TBK1: variants seen among roughly 807,000 people sequenced by gnomAD.
TBK1 encodes the protein TANK binding kinase 1, also known as serine/threonine-protein kinase TBK1.
TBK1 carries 37 observed loss-of-function variants against 99.9 expected under a neutral mutation model. The observed-to-expected ratio is 0.37, with a 90% CI of 0.28 to 0.49. TBK1 has a LOEUF of 0.49. TBK1 is among the 20% of genes least tolerant of loss of function. The probability of loss-of-function intolerance (pLI) is 0.98; values close to 1 mark genes in which losing one functional copy is unlikely to be tolerated. For missense variants in TBK1, 644 were observed against 872.5 expected, an observed-to-expected ratio of 0.74 and a Z score of 3.30; for synonymous variants, 258 against 279.8, an observed-to-expected ratio of 0.92 and a Z score of 0.78.
chr12:64,469,427 C>T (rs1024235773), intron 5 of TBK1, among the ~76,000 whole-genome samples: 4 of 152,126 alleles, frequency 2.6e-5, no homozygotes, highest in Non-Finnish European at 5.9e-5. Flanking sequence ...ATCCTTTTGT[C>T]TCTTCCTGGG....
intron 18 of TBK1, 22 bp from the exon 19 acceptor site, chr12:64,497,626 T>C (rs1565824952): frequency 1.1e-5 from 15 of 1,426,954 alleles, no homozygotes; most frequent in South Asian, 6.9e-5. Flanking sequence ...TTTTTCTTTT[T>C]TTTTTTTTTT....
At chr12:64,496,658 C>T (rs563963521) in intron 16 of TBK1, among the ~76,000 whole-genome samples, 29 of 152,252 alleles carry the variant, frequency 1.9e-4, no homozygotes, top group Non-Finnish European at 3.7e-4. Flanking sequence ...GCCTCATATG[C>T]TCTGATTACA....
intron 15 of TBK1, 148 bp downstream of exon 15, chr12:64,495,923 T>G: frequency 1.8e-6 from 1 of 552,490 alleles, no homozygotes; most frequent in Non-Finnish European, 2.9e-6. Context: ...AGGTTGATTG[T>G]GTTAAAAAAA....
At position 64,486,133 on chromosome 12, in the gene TBK1, T is replaced by G. The variant is rs574136144; in HGVS notation, c.1340+116T>G. ...TGCTTGATTTTTATTATAATACATT[T>G]GTTTCACATTTAGTTTATAAAACAT... On this transcript the variant is annotated intron_variant, in intron 11 of 20. Transcript: ENST00000331710. The G allele has an allele frequency of 6.7e-5, 40 of 592,778 alleles. No homozygotes were observed. The East Asian group carries it at 1.3e-3, about 19-fold the overall frequency. 36.7% of individuals were successfully genotyped at this position (592,778 alleles called of 1,614,324 possible).
intron 12 of TBK1, among the ~76,000 whole-genome samples, chr12:64,489,198 A>G (rs1326649411): frequency 2.0e-5 from 3 of 152,242 alleles, no homozygotes; most frequent in Non-Finnish European, 4.4e-5. Flanking sequence ...TGAAACTTGT[A>G]ATCAACAAAG....
intron 2 of TBK1, among the ~76,000 whole-genome samples, chr12:64,459,986 G>A (rs1371829990): frequency 2.0e-5 from 3 of 152,168 alleles, no homozygotes; most frequent in Non-Finnish European, 2.9e-5. Context: ...TCCAAAAGGT[G>A]TAATTTGAAA....
In TBK1 at chr12:64,455,936, T is replaced by C. The variant is rs41292019; in HGVS notation, c.66T>C (p.Asn22=). 0.043 allele frequency: 69,505 copies of C among 1,613,322 alleles called. 1,732 individuals carry two copies. The highest frequency in any genetic ancestry group is 0.05 in the Non-Finnish European group (59,462 of 1,179,488). Residue 22 remains asparagine (N), a synonymous_variant, in exon 2 of 21, where the codon AAT becomes AAC. Coordinates refer to ENST00000331710, the MANE Select transcript of TBK1 (RefSeq NM_013254.4). ...SDILGQGATA[N]VFRGRHKKTG... Reference sequence around the variant, plus strand: ...TTTTAGGCCAAGGAGCTACTGCAAATGTCTTTCGTGGAAGACATAAGGTTA... The same window carrying C: ...TTTTAGGCCAAGGAGCTACTGCAAACGTCTTTCGTGGAAGACATAAGGTTA...
rs533225882 is a variant in TBK1, at chr12:64,473,521, G to T, written c.541-709G>T. On this transcript the variant is annotated intron_variant, in intron 5 of 20. Transcript: ENST00000331710. The stretch of plus-strand genomic sequence containing the variant: ...CATTAAATAAGTGGGATAATTACAA[G>T]AATTGATTTCTGGAATTGGCAAGAT... Among the ~76,000 whole-genome samples the T allele has an allele frequency of 1.8e-4, 27 of 152,318 alleles. 1 individual carries two copies. In the South Asian group the frequency reaches 5.4e-3, roughly 30 times the overall value.
At chr12:64,487,253 A>G (rs1037607569) in intron 11 of TBK1, among the ~76,000 whole-genome samples, 18 of 152,344 alleles carry the variant, frequency 1.2e-4, no homozygotes, top group Non-Finnish European at 1.9e-4. Flanking sequence ...CGTACACATC[A>G]TGATGGCCTT....
At chr12:64,478,415 A>G (rs1366752659) in intron 6 of TBK1, among the ~76,000 whole-genome samples, 1 of 152,168 alleles carries the variant, frequency 6.6e-6, no homozygotes, top group East Asian at 1.9e-4. Flanking sequence ...GGTCTCCCAA[A>G]GTGCTGGCAT....
At chr12:64,467,508 A>C (rs1299688527) in intron 5 of TBK1, among the ~76,000 whole-genome samples, 2 of 152,182 alleles carry the variant, frequency 1.3e-5, no homozygotes, top group Non-Finnish European at 2.9e-5. Flanking sequence ...GCCCCTGAGA[A>C]GATCTAACTT....
intron 6 of TBK1, among the ~76,000 whole-genome samples, chr12:64,475,311 GT>G (rs141402914): frequency 0.039 from 5,933 of 151,890 alleles, 385 homozygotes; most frequent in African/African-American, 0.14. Context: ...ATGTGTGAAG[GT>G]TTAGTTAAAA....
chr12:64,474,495 A>G (rs2040693173), intron 6 of TBK1, 105 bp downstream of exon 6: 23 of 1,108,886 alleles, frequency 2.1e-5, no homozygotes, highest in Non-Finnish European at 3.0e-5. Flanking sequence ...TGATTTAACA[A>G]TCATTTCTGA....
rs2040988970 is a variant in TBK1 at position 64,501,455 on chromosome 12, TATAG to T, written c.*79_*82del. 2 of 1,375,750 alleles carry T rather than the reference TATAG, an allele frequency of 1.5e-6. No homozygotes were observed. The highest frequency in any genetic ancestry group is 1.0e-6 in the Non-Finnish European group (1 of 976,666). The allele number at this position is 1,375,750 out of a possible 1,614,324, so 85.2% of individuals were successfully genotyped here. On this transcript the variant is annotated 3_prime_UTR_variant, in exon 21 of 21. Coordinates refer to ENST00000331710, the MANE Select transcript of TBK1 (RefSeq NM_013254.4). The stretch of plus-strand genomic sequence containing the variant: ...CGCTTGGGCATTAAATGAATGCCTT[TATAG>T]ATAGTCACTTGTTTCTACAATTCAG...
intron 2 of TBK1, among the ~76,000 whole-genome samples, chr12:64,457,926 G>C (rs538346890): frequency 2.0e-5 from 3 of 152,278 alleles, no homozygotes; most frequent in South Asian, 2.1e-4. Context: ...TCTAAAATGA[G>C]AATTTCAGAA....
chr12:64,475,864 CT>C (rs1055748690), intron 6 of TBK1, among the ~76,000 whole-genome samples: 12 of 152,050 alleles, frequency 7.9e-5, no homozygotes, highest in Admixed American at 5.2e-4. Context: ...ATTTATTTTT[CT>C]TTGGTTATAT....
intron 8 of TBK1, among the ~76,000 whole-genome samples, chr12:64,483,734 C>T (rs1306595573): frequency 6.6e-6 from 1 of 152,162 alleles, no homozygotes; most frequent in Admixed American, 6.5e-5. Context: ...TGGCCAGGCA[C>T]AGTGGCTCAC....
Position 64,481,876 on chromosome 12 carries a change from A to G in TBK1, c.847A>G (p.Asn283Asp). Residue 283 changes from asparagine to aspartate, a missense_variant, in exon 8 of 21, where the codon AAC becomes GAC. Transcript: ENST00000331710. ...LQVLLTPVLANILEADQEKCW... is the reference protein window; with the variant it reads ...LQVLLTPVLADILEADQEKCW... ...GGTTCTACTTACCCCTGTTCTTGCA[A>G]ACATCCTTGAAGCAGATCAGGAAAA... 1.9e-6 allele frequency: 3 copies of G among 1,607,742 alleles called. No homozygotes were observed. The highest frequency in any genetic ancestry group is 2.5e-6 in the Non-Finnish European group (3 of 1,177,538).
chr12:64,452,279 C>T (rs2040434742), intron 1 of TBK1, 92 bp downstream of exon 1: 1 of 152,320 alleles, frequency 6.6e-6, no homozygotes, highest in South Asian at 2.1e-4. Flanking sequence ...CTCCCGCCCC[C>T]TGTGGGAGGC....
Sources: allele counts gnomAD v4.1 joint callset (sites outside exome capture counted in the v4.1 genomes callset), GRCh38; gene constraint gnomAD v4.1.1; transcripts MANE v1.5; gene names NCBI Gene and HGNC (gene_info 2026-07-23, HGNC 2026-07-21).